The following RBP2 variants were observed in gnomAD, a reference collection of about 807,000 sequenced individuals.
RBP2 encodes retinol-binding protein 2.
A neutral mutation model predicts 17.0 loss-of-function variants in RBP2; 17 were observed. That is an observed-to-expected ratio of 1.00 (90% CI 0.68 to 1.50). The LOEUF is 1.50. RBP2 is among the 40% of genes most tolerant of loss of function. The pLI is 0.00. For missense variants in RBP2, 158 were observed against 168.2 expected (o/e 0.94, Z 0.33); for synonymous variants, 48 against 57.1 (o/e 0.84, Z 0.72).
At chr3:139,476,151 G>A (rs1933732879) in intron 1 of RBP2, among the ~76,000 whole-genome samples, 1 of 152,192 alleles carries the variant, frequency 6.6e-6, no homozygotes, top group East Asian at 1.9e-4. Flanking sequence ...TTTTCTGTGG[G>A]CCAGGCACTG....
At chr3:139,474,661 A>G (rs1242894430) in intron 1 of RBP2, among the ~76,000 whole-genome samples, 2 of 152,172 alleles carry the variant, frequency 1.3e-5, no homozygotes, top group Non-Finnish European at 2.9e-5. Context: ...TGGGGCTATT[A>G]TCTCTATTTG....
rs749854564 is a variant in RBP2 at position 139,453,183 on chromosome 3, T to G, written c.355-17A>C. ...GGTCAGCTCCTGCAACGTCAGAAAG[T>G]GGGTGAGGGTCTAACAAGCCAGGCC... is the stretch of plus-strand genomic sequence containing the variant. On this transcript the variant is annotated splice_polypyrimidine_tract_variant and intron_variant, in intron 3 of 3. Coordinates refer to ENST00000232217, the MANE Select transcript of RBP2 (RefSeq NM_004164.3). 6.2e-7 allele frequency: 1 copy of G among 1,613,970 alleles called. No individual in the cohort carries two copies. Among genetic ancestry groups the G allele is most frequent in the South Asian group, 1.1e-5 (1 of 91,064 alleles).
chr3:139,474,268 A>G (rs1019029377), intron 1 of RBP2, among the ~76,000 whole-genome samples: 2 of 152,180 alleles, frequency 1.3e-5, no homozygotes, highest in African/African-American at 4.8e-5. Flanking sequence ...GTCCAGAGGA[A>G]GGCTGTTGTT....
chr3:139,456,154 A>G (rs1004785451), intron 2 of RBP2, among the ~76,000 whole-genome samples: 1 of 152,060 alleles, frequency 6.6e-6, no homozygotes, highest in African/African-American at 2.4e-5. Context: ...TCTTCCAAGT[A>G]TGTGCAAACT....
In RBP2 at chr3:139,462,092, A is replaced by G; in HGVS notation, c.252+20T>C. On this transcript the variant is annotated intron_variant, in intron 2 of 3. Transcript: ENST00000232217. The stretch of plus-strand genomic sequence containing the variant: ...CTGGCACAGAATGTGTGAATGAAAA[A>G]CACCAGCCCCGGTCAGTACCTTAAC... 1.2e-6 allele frequency: 2 copies of G among 1,602,362 alleles called. No individual in the cohort carries two copies. The highest frequency in any genetic ancestry group is 1.7e-6 in the Non-Finnish European group (2 of 1,171,390).
rs568311865 is a variant in RBP2, at chr3:139,464,739, AT to A, written c.74-2450del. The stretch of plus-strand genomic sequence containing the variant: ...CAAGTTGGCATGAGCTGCTGCACAA[AT>A]GCCAGTGCCTTGCTCACCTCTCATT... On this transcript the variant is annotated intron_variant, in intron 1 of 3. Transcript: ENST00000232217. Among the ~76,000 whole-genome samples, 258 of 152,336 alleles carry A rather than the reference AT, an allele frequency of 1.7e-3. 1 individual carries two copies. Among genetic ancestry groups the A allele is most frequent in the East Asian group, 9.1e-3 (47 of 5,182 alleles).
chr3:139,472,013 C>T (rs1468335649), intron 1 of RBP2, among the ~76,000 whole-genome samples: 2 of 152,202 alleles, frequency 1.3e-5, no homozygotes, highest in Non-Finnish European at 2.9e-5. Flanking sequence ...TTGCCTCCTC[C>T]TTGCACTTCA....
At chr3:139,469,687 G>A (rs13097145) in intron 1 of RBP2, among the ~76,000 whole-genome samples, 12,433 of 132,758 alleles carry the variant, frequency 0.094, 771 homozygotes, top group African/African-American at 0.21. Flanking sequence ...CTGTCTGTCT[G>A]TCTATCTATC....
intron 1 of RBP2, among the ~76,000 whole-genome samples, chr3:139,474,295 G>A (rs1435753486): frequency 1.3e-5 from 2 of 152,152 alleles, no homozygotes; most frequent in East Asian, 1.9e-4. Context: ...AGGATTTCTT[G>A]GAGAGAGCTG....
intron 1 of RBP2, among the ~76,000 whole-genome samples, chr3:139,475,907 C>T (rs1933722483): frequency 6.6e-6 from 1 of 152,202 alleles, no homozygotes; most frequent in South Asian, 2.1e-4. Context: ...CCTCTCTAGG[C>T]TTCCATGAGC....
intron 1 of RBP2, among the ~76,000 whole-genome samples, chr3:139,471,117 A>G (rs866300392): frequency 1.3e-5 from 2 of 152,310 alleles, no homozygotes; most frequent in Middle Eastern, 6.8e-3. Context: ...TGTAAACTCT[A>G]TGCTGGCAGG....
intron 2 of RBP2, among the ~76,000 whole-genome samples, chr3:139,456,366 C>A (rs945516545): frequency 1.8e-4 from 28 of 152,090 alleles, no homozygotes; most frequent in Non-Finnish European, 1.0e-4. Flanking sequence ...TGACCTTGAC[C>A]ATATTATATA....
intron 2 of RBP2, among the ~76,000 whole-genome samples, chr3:139,457,969 T>G (rs1443151603): frequency 6.6e-6 from 1 of 152,200 alleles, no homozygotes; most frequent in East Asian, 1.9e-4. Flanking sequence ...ATAACCATAT[T>G]GCAGTTTTAC....
At position 139,452,922 on chromosome 3, in the gene RBP2, C is replaced by T. The variant is rs1448589806; in HGVS notation, c.*194G>A. The T allele has an allele frequency of 1.0e-5, 6 of 592,264 alleles. No individual in the cohort carries two copies. The highest frequency in any genetic ancestry group is 3.0e-5 in the Admixed American group (1 of 33,772). 36.7% of individuals were successfully genotyped at this position (592,264 alleles called of 1,614,324 possible). On this transcript the variant is annotated 3_prime_UTR_variant, in exon 4 of 4. Transcript: ENST00000232217. ...AATATGGGAGTAATTTTTGTTTTTCCATTTAATGCTAGGTTTCAAAGGAGG... is the reference window on the plus strand; with the variant it reads ...AATATGGGAGTAATTTTTGTTTTTCTATTTAATGCTAGGTTTCAAAGGAGG...
chr3:139,454,956 C>T, intron 2 of RBP2, 126 bp from the exon 3 acceptor site: 6 of 838,752 alleles, frequency 7.2e-6, no homozygotes, highest in Non-Finnish European at 1.2e-5. Flanking sequence ...GAGCCCTCAG[C>T]CTCAGGGAGC....
chr3:139,475,738 C>A (rs1933717498), intron 1 of RBP2, among the ~76,000 whole-genome samples: 2 of 152,230 alleles, frequency 1.3e-5, no homozygotes, highest in South Asian at 4.1e-4. Context: ...TAGTCCCAGG[C>A]AGAACCTGTA....
rs1217041902 is a variant in RBP2 at position 139,476,450 on chromosome 3, C to T, written c.10G>A (p.Asp4Asn). The T allele has an allele frequency of 1.2e-6, 2 of 1,613,976 alleles. No individual in the cohort carries two copies. Among genetic ancestry groups the T allele is most frequent in the South Asian group, 1.1e-5 (1 of 91,058 alleles). Residue 4 changes from aspartate to asparagine, a missense_variant, in exon 1 of 4, where the codon GAC becomes AAC. Physicochemically the swap from Asp to Asn is conservative, Grantham distance 23. Coordinates refer to ENST00000232217, the MANE Select transcript of RBP2 (RefSeq NM_004164.3). Reference protein sequence around the residue: MTRDQNGTWEMESN... With the variant: MTRNQNGTWEMESN... The stretch of plus-strand genomic sequence containing the variant: ...TCCATCTCCCAGGTTCCATTCTGGT[C>T]CCTTGTCATGGTGGTGGCCACTGGT...
chr3:139,458,755 C>T (rs9812192), intron 2 of RBP2, among the ~76,000 whole-genome samples: 41,125 of 152,090 alleles, frequency 0.27, 7,008 homozygotes, highest in East Asian at 0.86. Flanking sequence ...TTTCCAGGTG[C>T]ATCCATTTTG....
At chr3:139,468,760 A>G (rs1933450301) in intron 1 of RBP2, among the ~76,000 whole-genome samples, 2 of 152,208 alleles carry the variant, frequency 1.3e-5, no homozygotes, top group African/African-American at 4.8e-5. Flanking sequence ...TTTTAACACC[A>G]GGGTTATCAA....
Sources: gnomAD v4.1 joint callset for allele counts (sites outside exome capture counted in the v4.1 genomes callset) on GRCh38, gnomAD v4.1.1 for gene constraint, MANE v1.5 for transcripts, NCBI Gene and HGNC (gene_info 2026-07-23, HGNC 2026-07-21) for gene names.